PTPRG: variants seen among roughly 807,000 people sequenced by gnomAD.
The protein encoded by PTPRG is receptor-type tyrosine-protein phosphatase gamma.
A neutral mutation model predicts 165.3 loss-of-function variants in PTPRG; 102 were observed. That is an observed-to-expected ratio of 0.62 (90% CI 0.53 to 0.73). PTPRG has a LOEUF of 0.73. PTPRG is among the 30% of genes least tolerant of loss of function. PTPRG has a pLI of 0.00. For synonymous variants in PTPRG, 675 were observed against 669.5 expected (o/e 1.01, Z -0.13); for missense variants, 1,866 against 1,861.4 (o/e 1.00, Z -0.05).
chr3:61,717,370 G>A (rs1428921756), intron 1 of PTPRG, among the ~76,000 whole-genome samples: 1 of 152,122 alleles, frequency 6.6e-6, no homozygotes, highest in African/African-American at 2.4e-5. Context: ...TATAGCCAAA[G>A]GCAATAGACC....
intron 2 of PTPRG, among the ~76,000 whole-genome samples, chr3:61,802,192 A>G (rs548004759): frequency 6.6e-6 from 1 of 152,330 alleles, no homozygotes; most frequent in South Asian, 2.1e-4. Flanking sequence ...TATCAGTAAT[A>G]TACAAAAGTA....
At chr3:62,046,398 T>A (rs1700293798) in intron 4 of PTPRG, among the ~76,000 whole-genome samples, 1 of 152,182 alleles carries the variant, frequency 6.6e-6, no homozygotes, top group Non-Finnish European at 1.5e-5. Flanking sequence ...TTTCTTTCTT[T>A]AGAGAGGTCA....
At chr3:61,961,620 C>T (rs2040154804) in intron 2 of PTPRG, among the ~76,000 whole-genome samples, 1 of 152,112 alleles carries the variant, frequency 6.6e-6, no homozygotes, top group South Asian at 2.1e-4. Flanking sequence ...AAAATAGAAA[C>T]AGACTGAGAA....
chr3:62,005,257 A>G (rs1412406403), intron 4 of PTPRG, among the ~76,000 whole-genome samples: 1 of 152,158 alleles, frequency 6.6e-6, no homozygotes, highest in Middle Eastern at 3.2e-3. Flanking sequence ...TTTCTACTTA[A>G]TTGGTTCTCT....
At chr3:62,165,577 CTA>C (rs34376101) in intron 7 of PTPRG, among the ~76,000 whole-genome samples, 7,446 of 152,164 alleles carry the variant, frequency 0.049, 560 homozygotes, top group African/African-American at 0.17. Flanking sequence ...CCTAGAGACA[CTA>C]TGAGTTTTTA....
chr3:62,241,869 T>C (rs1313211854), intron 14 of PTPRG, among the ~76,000 whole-genome samples: 1 of 152,194 alleles, frequency 6.6e-6, no homozygotes, highest in East Asian at 1.9e-4. Context: ...AGAGCACTTA[T>C]TTGGGCTATT....
chr3:61,942,619 A>C (rs909166844), intron 2 of PTPRG, among the ~76,000 whole-genome samples: 2 of 152,188 alleles, frequency 1.3e-5, no homozygotes, highest in Non-Finnish European at 2.9e-5. Flanking sequence ...TTTTTTTAAG[A>C]GATGAAGAAA....
intron 14 of PTPRG, among the ~76,000 whole-genome samples, chr3:62,235,152 A>AT (rs1701000634): frequency 6.6e-6 from 1 of 152,168 alleles, no homozygotes; most frequent in Non-Finnish European, 1.5e-5. Flanking sequence ...TATAATGTGA[A>AT]TTTCATTTCT....
intron 1 of PTPRG, among the ~76,000 whole-genome samples, chr3:61,719,146 C>T (rs929459381): frequency 6.6e-6 from 1 of 152,172 alleles, no homozygotes; most frequent in African/African-American, 2.4e-5. Context: ...TATTGCTTTG[C>T]CTGCTGTGAA....
intron 2 of PTPRG, among the ~76,000 whole-genome samples, chr3:61,856,581 C>T (rs867967185): frequency 2.0e-5 from 3 of 152,094 alleles, no homozygotes; most frequent in Admixed American, 6.5e-5. Flanking sequence ...AGTGTATTCC[C>T]GTATTTTGAT....
chr3:61,991,169 G>A (rs781361474), intron 3 of PTPRG, among the ~76,000 whole-genome samples: 1 of 152,054 alleles, frequency 6.6e-6, no homozygotes, highest in Non-Finnish European at 1.5e-5. Flanking sequence ...GAGTAGCTGC[G>A]TAGAAAAAAC....
intron 5 of PTPRG, among the ~76,000 whole-genome samples, chr3:62,079,999 A>C (rs1311567215): frequency 6.6e-6 from 1 of 151,734 alleles, no homozygotes; most frequent in Non-Finnish European, 1.5e-5. Context: ...TATGAACAGA[A>C]GTATGTTCTG....
intron 1 of PTPRG, among the ~76,000 whole-genome samples, chr3:61,733,822 A>G (rs545695492): frequency 1.3e-4 from 20 of 152,254 alleles, no homozygotes; most frequent in Middle Eastern, 6.8e-3. Context: ...ATTTTGAGAC[A>G]AAGTCTTGCT....
At chr3:62,137,260 G>A (rs184946313) in intron 6 of PTPRG, among the ~76,000 whole-genome samples, 1 of 152,164 alleles carries the variant, frequency 6.6e-6, no homozygotes, top group African/African-American at 2.4e-5. Context: ...ACCAGCAGTT[G>A]CAAGTGGCCA....
chr3:61,945,844 A>G (rs758033358), intron 2 of PTPRG, among the ~76,000 whole-genome samples: 4 of 152,218 alleles, frequency 2.6e-5, no homozygotes, highest in Non-Finnish European at 5.9e-5. Flanking sequence ...GAGAGGAGGC[A>G]TGGCAGCAGA....
At chr3:61,988,667 T>C (rs189077210) in intron 2 of PTPRG, among the ~76,000 whole-genome samples, 24 of 152,330 alleles carry the variant, frequency 1.6e-4, no homozygotes, top group Admixed American at 9.8e-4. Flanking sequence ...TTGTGAAGTT[T>C]TTTTCTTATC....
intron 4 of PTPRG, among the ~76,000 whole-genome samples, chr3:62,029,032 A>T (rs1489632511): frequency 2.6e-5 from 4 of 152,232 alleles, no homozygotes; most frequent in African/African-American, 9.6e-5. Context: ...CATGGAATGC[A>T]CAACATACAT....
intron 4 of PTPRG, among the ~76,000 whole-genome samples, chr3:62,013,286 T>G (rs2041468590): frequency 6.6e-6 from 1 of 152,214 alleles, no homozygotes; most frequent in African/African-American, 2.4e-5. Context: ...ACTACCATAC[T>G]AAAACTTGCA....
chr3:62,058,955 C>G (rs1032364769), intron 4 of PTPRG, among the ~76,000 whole-genome samples: 1 of 152,160 alleles, frequency 6.6e-6, no homozygotes, highest in Non-Finnish European at 1.5e-5. Flanking sequence ...GAGATGGGGA[C>G]TCTACCACAG....
Sources: gnomAD v4.1 joint callset for allele counts (sites outside exome capture counted in the v4.1 genomes callset) on GRCh38, gnomAD v4.1.1 for gene constraint, MANE v1.5 for transcripts, NCBI Gene and HGNC (gene_info 2026-07-23, HGNC 2026-07-21) for gene names.